The following SCP2 variants were observed in gnomAD, a reference collection of about 807,000 sequenced individuals.
SCP2 encodes the protein SCP-2/3-oxoacyl-CoA thiolase.
In SCP2, 48 loss-of-function variants were observed where a neutral mutation model predicts 71.4. That is an observed-to-expected ratio of 0.67 (90% confidence interval 0.53 to 0.86). The LOEUF (loss-of-function observed/expected upper bound fraction) is 0.86, where lower values mean the gene tolerates loss of function less well. Ranked by LOEUF, SCP2 falls within the 40% of genes least tolerant of loss-of-function variation. SCP2 has a pLI of 0.00. For synonymous variants in SCP2, 220 were observed against 218.1 expected, an observed-to-expected ratio of 1.01 and a Z score of -0.08; for missense variants, 560 against 655.6, an observed-to-expected ratio of 0.85 and a Z score of 1.59.
At chr1:52,930,618 C>T (rs976256842) in intron 1 of SCP2, among the ~76,000 whole-genome samples, 1 of 149,236 alleles carries the variant, frequency 6.7e-6, no homozygotes, top group Non-Finnish European at 1.5e-5. Flanking sequence ...GGGAGTGAGA[C>T]TCTGTCTCAA....
rs1371004185 is a variant in SCP2 at position 52,978,193 on chromosome 1, A to G, written c.675-24A>G. 3 of 1,611,984 alleles carry G rather than the reference A, an allele frequency of 1.9e-6. No homozygotes were observed. In the South Asian group the frequency reaches 3.3e-5, roughly 18 times the overall value. On this transcript the variant is annotated intron_variant, in intron 8 of 15. Coordinates refer to ENST00000371514, the MANE Select transcript of SCP2 (RefSeq NM_002979.5). ...TCCGATCAGGTGCTACTGGGTGTGG[A>G]GAATTATTTTTACTTCCTCTTAGTC...
At chr1:53,023,322 A>G (rs1345571651) in intron 12 of SCP2, among the ~76,000 whole-genome samples, 1 of 152,196 alleles carries the variant, frequency 6.6e-6, no homozygotes, top group Non-Finnish European at 1.5e-5. Context: ...TAACTGAAAA[A>G]TTGGACCAAT....
intron 1 of SCP2, among the ~76,000 whole-genome samples, chr1:52,936,763 A>G (rs556340157): frequency 6.6e-6 from 1 of 152,312 alleles, no homozygotes; most frequent in East Asian, 1.9e-4. Flanking sequence ...ATATTCCAAG[A>G]GAGTAATTAC....
chr1:52,939,786 C>T (rs1572050978), intron 1 of SCP2, among the ~76,000 whole-genome samples: 1 of 152,248 alleles, frequency 6.6e-6, no homozygotes. Context: ...TTTCCTGTCT[C>T]AGCCTCCCGA....
At chr1:52,967,048 G>A (rs1361224828) in intron 6 of SCP2, among the ~76,000 whole-genome samples, 2 of 151,966 alleles carry the variant, frequency 1.3e-5, no homozygotes, top group African/African-American at 2.4e-5. Context: ...AAATTAGTCA[G>A]GCATGGTGGC....
intron 5 of SCP2, among the ~76,000 whole-genome samples, chr1:52,960,958 G>A (rs1282236787): frequency 2.6e-5 from 4 of 151,390 alleles, no homozygotes; most frequent in Non-Finnish European, 4.4e-5. Flanking sequence ...CACCATGTTG[G>A]CCAGGCTGGT....
chr1:52,987,694 T>A (rs1050334134), intron 10 of SCP2, among the ~76,000 whole-genome samples: 4 of 152,170 alleles, frequency 2.6e-5, no homozygotes, highest in African/African-American at 9.6e-5. Context: ...TTGGCAAAAT[T>A]ATGCATTTTT....
chr1:53,038,546 A>G (rs142054720), intron 13 of SCP2, among the ~76,000 whole-genome samples: 2,356 of 152,162 alleles, frequency 0.015, 70 homozygotes, highest in African/African-American at 0.054. Flanking sequence ...GTGGGACCAC[A>G]GGCATGCACC....
chr1:52,935,874 G>T (rs1653692766), intron 1 of SCP2, among the ~76,000 whole-genome samples: 1 of 152,104 alleles, frequency 6.6e-6, no homozygotes, highest in Admixed American at 6.5e-5. Flanking sequence ...GGAGTTTGAG[G>T]CTGCAGGGAG....
intron 10 of SCP2, among the ~76,000 whole-genome samples, chr1:52,983,700 C>A (rs1658721781): frequency 6.6e-6 from 1 of 152,156 alleles, no homozygotes; most frequent in Admixed American, 6.5e-5. Flanking sequence ...GAGCTTACAT[C>A]TTTTTGTTCA....
chr1:52,934,525 A>G (rs1363021517), intron 1 of SCP2, among the ~76,000 whole-genome samples: 1 of 146,958 alleles, frequency 6.8e-6, no homozygotes, highest in Non-Finnish European at 1.5e-5. Flanking sequence ...TTCAAATACA[A>G]TATTTTATTA....
rs763353792 is a variant in SCP2, at chr1:53,014,994, G to A, written c.1186G>A (p.Gly396Arg). 2.5e-6 allele frequency: 4 copies of A among 1,614,040 alleles called. No homozygotes were observed. Among genetic ancestry groups the A allele is most frequent in the African/African-American group, 2.7e-5 (2 of 74,944 alleles). The change falls in exon 12 of 16, where the codon GGA (glycine) becomes AGA (arginine). Residue 396 changes from glycine to arginine, a missense_variant. By Grantham distance (125) the Gly-to-Arg change is moderately radical. This residue lies in a region of SCP2 where 513 missense variants were observed against 573.1 expected (regional missense o/e 0.90). Transcript: ENST00000371514. ...VALQHNLGIG[G>R]AVVVTLYKMG... ...TCTGCAGCATAATTTAGGCATTGGA[G>A]GAGCTGTGGTTGTAACACTCTACAA... is the stretch of plus-strand genomic sequence containing the variant.
intron 14 of SCP2, among the ~76,000 whole-genome samples, chr1:53,042,482 C>T (rs1360608915): frequency 6.6e-6 from 1 of 152,070 alleles, no homozygotes; most frequent in Non-Finnish European, 1.5e-5. Context: ...TTGCCATGTT[C>T]TTCCCACATT....
At position 53,028,148 on chromosome 1, in the gene SCP2, G is replaced by A. The variant is rs77330574; in HGVS notation, c.1338+77G>A. On this transcript the variant is annotated intron_variant, in intron 13 of 15. Transcript: ENST00000371514. Reference sequence around the variant, plus strand: ...AGACACAGGTTTCAGGTGTTGCCACGAGGTGGTACAATTGAAAATTTATAT... The same window carrying A: ...AGACACAGGTTTCAGGTGTTGCCACAAGGTGGTACAATTGAAAATTTATAT... 12,056 of 794,122 alleles carry A rather than the reference G, an allele frequency of 0.015. 436 individuals carry two copies. Among genetic ancestry groups the A allele is most frequent in the African/African-American group, 0.11 (6,689 of 59,136 alleles). 49.2% of individuals were successfully genotyped at this position (794,122 alleles called of 1,614,324 possible). A position where few individuals can be genotyped will look rare whatever the true frequency, so the allele number is the denominator to read the frequency against.
At chr1:53,015,749 ATTG>A (rs1282624297) in intron 12 of SCP2, among the ~76,000 whole-genome samples, 1 of 151,844 alleles carries the variant, frequency 6.6e-6, no homozygotes, top group East Asian at 1.9e-4. Flanking sequence ...CCTTGCCTTA[ATTG>A]TTGTTGTTCA....
At position 53,017,817 on chromosome 1, in the gene SCP2, T is replaced by C. The variant is rs142244181; in HGVS notation, c.1235+2774T>C. ...AATGGATAGAGAAAAATTGTTGGAG[T>C]AGTAGCATTGCAGGTGATTAACTTG... On this transcript the variant is annotated intron_variant, in intron 12 of 15. Transcript: ENST00000371514. Among the ~76,000 whole-genome samples, 11 of 152,024 alleles carry C rather than the reference T, an allele frequency of 7.2e-5. No individual in the cohort carries two copies. The East Asian group carries it at 2.1e-3, about 29-fold the overall frequency.
intron 11 of SCP2, among the ~76,000 whole-genome samples, chr1:53,012,650 A>G (rs1052033049): frequency 6.6e-6 from 1 of 152,188 alleles, no homozygotes; most frequent in African/African-American, 2.4e-5. Flanking sequence ...GATTATTTCC[A>G]TGGAATGGTT....
intron 7 of SCP2, 41 bp from the exon 8 acceptor site, chr1:52,976,642 G>A: frequency 1.0e-6 from 1 of 976,954 alleles, no homozygotes. Context: ...AATTACAGTT[G>A]CTATCTCACA....
chr1:53,010,839 C>T (rs952905252), intron 11 of SCP2, among the ~76,000 whole-genome samples: 1 of 152,058 alleles, frequency 6.6e-6, no homozygotes, highest in African/African-American at 2.4e-5. Context: ...GTGAGATTCA[C>T]CCCCTGCCCA....
Sources: allele counts gnomAD v4.1 joint callset (sites outside exome capture counted in the v4.1 genomes callset), GRCh38; gene constraint gnomAD v4.1.1; regional missense constraint gnomAD v4.1.1; transcripts MANE v1.5; gene names NCBI Gene and HGNC (gene_info 2026-07-23, HGNC 2026-07-21).